The following SETD5 variants were observed in gnomAD, a reference collection of about 807,000 sequenced individuals.
SETD5 encodes SET domain containing 5, also known as histone-lysine N-methyltransferase SETD5.
Under a neutral mutation model 153.3 loss-of-function variants are expected in SETD5, and 44 were observed. The observed-to-expected ratio is 0.29, with a 90% CI of 0.23 to 0.37. The LOEUF is 0.37. SETD5 is among the 10% of genes least tolerant of loss of function. The pLI is 1.00. For missense variants in SETD5, 1,544 were observed against 1,768.0 expected (o/e 0.87, Z 2.27); for synonymous variants, 716 against 645.2 (o/e 1.11, Z -1.66).
At chr3:9,405,425 A>G (rs2035497889) in intron 1 of SETD5, among the ~76,000 whole-genome samples, 1 of 152,212 alleles carries the variant, frequency 6.6e-6, no homozygotes, top group Admixed American at 6.5e-5. Context: ...AGCTCTTTGA[A>G]CATAAATTTT....
chr3:9,425,051 GTTTC>G (rs1362206436), intron 2 of SETD5, among the ~76,000 whole-genome samples: 23 of 91,416 alleles, frequency 2.5e-4, no homozygotes, highest in African/African-American at 1.2e-3. Flanking sequence ...TACCGACAAT[GTTTC>G]TTTTTTTTTT....
intron 1 of SETD5, among the ~76,000 whole-genome samples, chr3:9,416,417 G>A (rs2037472461): frequency 6.6e-6 from 1 of 152,066 alleles, no homozygotes; most frequent in East Asian, 1.9e-4. Flanking sequence ...ATGCTGTGTC[G>A]CAGCTGTGGG....
chr3:9,424,551 T>C (rs1156746539), intron 2 of SETD5, 25 bp downstream of exon 2: 4 of 152,222 alleles, frequency 2.6e-5, no homozygotes, highest in Non-Finnish European at 4.4e-5. Context: ...TAAATCCTTT[T>C]AATTTCTGTT....
chr3:9,444,751 C>T (rs923394157), intron 11 of SETD5, among the ~76,000 whole-genome samples: 1 of 151,950 alleles, frequency 6.6e-6, no homozygotes, highest in Admixed American at 6.6e-5. Flanking sequence ...ATTAGCTGGG[C>T]GTGTAGTCCC....
At position 9,427,355 on chromosome 3, in the gene SETD5, G is replaced by A. The variant is rs74709218; in HGVS notation, c.-116-1468G>A. Reference sequence around the variant, plus strand: ...CACCGGAGGTCAGGAGTTCAAGACCGCCTGGCCAACATAGTGAAACTTCAT... The same window carrying A: ...CACCGGAGGTCAGGAGTTCAAGACCACCTGGCCAACATAGTGAAACTTCAT... On this transcript the variant is annotated intron_variant, in intron 2 of 22. Transcript: ENST00000402198. 7.6e-3 allele frequency among the ~76,000 whole-genome samples: 1,154 copies of A among 152,204 alleles called. 11 individuals are homozygous for A. Among genetic ancestry groups the A allele is most frequent in the African/African-American group, 0.027 (1,116 of 41,524 alleles).
chr3:9,459,230 A>G (rs2043626970), intron 17 of SETD5, among the ~76,000 whole-genome samples: 1 of 152,206 alleles, frequency 6.6e-6, no homozygotes, highest in South Asian at 2.1e-4. Context: ...AGAATAATTA[A>G]TTCTTAGTTA....
chr3:9,428,788 T>C, intron 2 of SETD5, 35 bp from the exon 3 acceptor site: 2 of 474,898 alleles, frequency 4.2e-6, no homozygotes, highest in Non-Finnish European at 7.7e-6. Flanking sequence ...TAACTAGGTA[T>C]TTATTTTACT....
intron 21 of SETD5, 55 bp downstream of exon 21, chr3:9,474,637 T>C: frequency 3.7e-6 from 6 of 1,600,030 alleles, no homozygotes; most frequent in South Asian, 2.2e-5. Context: ...AGCCGAGTCC[T>C]GTACAGTTCA....
intron 3 of SETD5, 159 bp downstream of exon 3, chr3:9,429,168 G>A (rs2039663118): frequency 2.5e-6 from 1 of 401,136 alleles, no homozygotes; most frequent in Non-Finnish European, 4.4e-6. Context: ...TGAAGGTGGT[G>A]GAAAAAAGGA....
At position 9,435,709 on chromosome 3, in the gene SETD5, T is replaced by A. The variant is rs2040492720; in HGVS notation, c.389-19T>A. 1 of 1,555,204 alleles carries A rather than the reference T, an allele frequency of 6.4e-7. No homozygotes were observed. Among genetic ancestry groups the A allele is most frequent in the Non-Finnish European group, 8.7e-7 (1 of 1,153,024 alleles). On this transcript the variant is annotated intron_variant, in intron 6 of 22. Coordinates refer to ENST00000402198, the MANE Select transcript of SETD5 (RefSeq NM_001080517.3). ...TTTGAGGCTATTAGTACCTGAACTA[T>A]GAAATCATCATTTTTCAGGTGGGGA...
intron 3 of SETD5, chr3:9,430,951 C>A: frequency 1.0e-6 from 1 of 985,420 alleles, no homozygotes; most frequent in Non-Finnish European, 1.2e-6. Context: ...CATAGTTATG[C>A]ATTTCTGCAA....
At chr3:9,418,727 C>G (rs1049639987) in intron 1 of SETD5, among the ~76,000 whole-genome samples, 1 of 151,264 alleles carries the variant, frequency 6.6e-6, no homozygotes, top group Non-Finnish European at 1.5e-5. Flanking sequence ...TGCTTGAACC[C>G]GGGAGGTGGA....
rs930365178 is a variant in SETD5, at chr3:9,468,849, G to C, written c.2725-1610G>C. 6.6e-5 allele frequency among the ~76,000 whole-genome samples: 10 copies of C among 151,918 alleles called. No individual in the cohort carries two copies. The East Asian group carries it at 1.9e-3, about 29-fold the overall frequency. On this transcript the variant is annotated intron_variant, in intron 18 of 22. Coordinates refer to ENST00000402198, the MANE Select transcript of SETD5 (RefSeq NM_001080517.3). ...TGGTGGGGTTGGTTTTTGCCGTTTGGGGGAGGGGGTGGCTGGAGTTCTATT... is the reference window on the plus strand; with the variant it reads ...TGGTGGGGTTGGTTTTTGCCGTTTGCGGGAGGGGGTGGCTGGAGTTCTATT...
chr3:9,407,122 G>A (rs1001783609), intron 1 of SETD5, among the ~76,000 whole-genome samples: 16 of 152,206 alleles, frequency 1.1e-4, no homozygotes, highest in African/African-American at 3.6e-4. Flanking sequence ...TAGGTCAGGT[G>A]TTTGAGACCA....
intron 1 of SETD5, among the ~76,000 whole-genome samples, chr3:9,406,972 A>G (rs1030694433): frequency 6.6e-6 from 1 of 152,248 alleles, no homozygotes; most frequent in Non-Finnish European, 1.5e-5. Flanking sequence ...TACTAAAGCC[A>G]GATATTTAGT....
chr3:9,415,619 C>T (rs1436338103), intron 1 of SETD5, among the ~76,000 whole-genome samples: 1 of 152,130 alleles, frequency 6.6e-6, no homozygotes, highest in Non-Finnish European at 1.5e-5. Flanking sequence ...ATCTCCTTGT[C>T]ACCCAGGCTG....
intron 3 of SETD5, chr3:9,433,361 T>C: frequency 7.8e-7 from 1 of 1,289,666 alleles, no homozygotes; most frequent in Non-Finnish European, 1.0e-6. Context: ...TTACCTGTAC[T>C]TTCTTCAGGG....
intron 1 of SETD5, among the ~76,000 whole-genome samples, chr3:9,399,551 G>A (rs1190598603): frequency 6.6e-6 from 1 of 152,096 alleles, no homozygotes; most frequent in Non-Finnish European, 1.5e-5. Context: ...CTGTCATTAT[G>A]TGTAGAAAAA....
At chr3:9,439,429 G>A (rs11928430) in intron 7 of SETD5, among the ~76,000 whole-genome samples, 13 of 152,306 alleles carry the variant, frequency 8.5e-5, no homozygotes, top group African/African-American at 2.9e-4. Context: ...GCCATTCATA[G>A]AAAGTATATT....
Sources: allele counts gnomAD v4.1 joint callset (sites outside exome capture counted in the v4.1 genomes callset), GRCh38; gene constraint gnomAD v4.1.1; transcripts MANE v1.5; gene names NCBI Gene and HGNC (gene_info 2026-07-23, HGNC 2026-07-21).